Variants in TFPI observed in about 807,000 individuals in gnomAD.
TFPI encodes anti-convertin.
In TFPI, 15 loss-of-function variants were observed where a neutral mutation model predicts 34.6. The observed-to-expected ratio is 0.43, with a 90% CI of 0.29 to 0.67. The LOEUF is 0.67. TFPI is among the 30% of genes least tolerant of loss of function. The pLI is 0.15. For missense variants in TFPI, 301 were observed against 364.0 expected (o/e 0.83, Z 1.41); for synonymous variants, 105 against 120.1 (o/e 0.87, Z 0.82).
intron 1 of TFPI, among the ~76,000 whole-genome samples, chr2:187,543,947 C>A (rs1559159709): frequency 6.6e-6 from 1 of 152,136 alleles, no homozygotes; most frequent in Non-Finnish European, 1.5e-5. Flanking sequence ...TAAAATTTAT[C>A]TGCTGTGTAT....
intron 2 of TFPI, among the ~76,000 whole-genome samples, chr2:187,502,917 TA>T (rs1204044700): frequency 6.6e-6 from 1 of 152,214 alleles, no homozygotes; most frequent in Non-Finnish European, 1.5e-5. Context: ...AAATCTTTTT[TA>T]CATCTTAAAC....
chr2:187,505,505 T>C (rs3755248), intron 1 of TFPI, among the ~76,000 whole-genome samples: 62,082 of 151,978 alleles, frequency 0.41, 14,499 homozygotes, highest in African/African-American at 0.65. Flanking sequence ...CACCAGGTAT[T>C]TCTCATTGTG....
chr2:187,478,462 T>G (rs913853842), intron 6 of TFPI: 1 of 542,566 alleles, frequency 1.8e-6, no homozygotes, highest in Non-Finnish European at 2.8e-6. Flanking sequence ...AATGACTTTT[T>G]TTCCATGAAT....
intron 1 of TFPI, among the ~76,000 whole-genome samples, chr2:187,511,422 T>C (rs948142306): frequency 1.3e-5 from 2 of 152,226 alleles, no homozygotes; most frequent in Non-Finnish European, 2.9e-5. Flanking sequence ...TGAAAGTGTC[T>C]GTGTGCCCTT....
intron 1 of TFPI, among the ~76,000 whole-genome samples, chr2:187,534,414 T>A (rs1355757900): frequency 6.6e-6 from 1 of 152,168 alleles, no homozygotes; most frequent in Non-Finnish European, 1.5e-5. Flanking sequence ...GGGCCAATAT[T>A]CCACATTCTT....
chr2:187,481,009 TTAAC>T (rs1433046837), intron 6 of TFPI, among the ~76,000 whole-genome samples: 3 of 152,130 alleles, frequency 2.0e-5, no homozygotes, highest in Non-Finnish European at 4.4e-5. Context: ...ATGATAATGT[TTAAC>T]TAAACTTCTA....
At chr2:187,467,989 C>A (rs1328194592) in intron 6 of TFPI, 57 bp from the exon 7 acceptor site, 31 of 1,415,026 alleles carry the variant, frequency 2.2e-5, no homozygotes, top group Non-Finnish European at 2.9e-5. Context: ...TTCAGGTTTT[C>A]GTATTGTATA....
intron 1 of TFPI, among the ~76,000 whole-genome samples, chr2:187,531,707 T>C (rs1408811414): frequency 6.6e-6 from 1 of 152,208 alleles, no homozygotes; most frequent in Non-Finnish European, 1.5e-5. Flanking sequence ...TTGACCATTT[T>C]ATTTATGTTT....
chr2:187,527,401 T>C (rs1049664630), intron 1 of TFPI: 4 of 152,178 alleles, frequency 2.6e-5, no homozygotes, highest in African/African-American at 9.6e-5. Flanking sequence ...AGCCAGATTT[T>C]TCTCAGGAAA....
intron 1 of TFPI, among the ~76,000 whole-genome samples, chr2:187,542,335 TTG>T (rs138712657): frequency 5.1e-4 from 76 of 148,324 alleles, no homozygotes; most frequent in Non-Finnish European, 6.5e-4. Context: ...GAATGTGTGT[TTG>T]TGTGTGTGTG....
intron 1 of TFPI, among the ~76,000 whole-genome samples, chr2:187,546,146 AT>A (rs1213325732): frequency 6.6e-6 from 1 of 152,144 alleles, no homozygotes; most frequent in African/African-American, 2.4e-5. Flanking sequence ...AATAAAGGAA[AT>A]AATGCCAATG....
intron 1 of TFPI, among the ~76,000 whole-genome samples, chr2:187,534,406 G>A (rs1285367983): frequency 1.3e-5 from 2 of 152,166 alleles, no homozygotes; most frequent in African/African-American, 2.4e-5. Flanking sequence ...GAGAGTGGGG[G>A]CCAATATTCC....
chr2:187,515,033 T>C (rs1446905073), intron 1 of TFPI: 1 of 152,242 alleles, frequency 6.6e-6, no homozygotes, highest in East Asian at 1.9e-4. Context: ...ACACTATATG[T>C]GTCAGACAGA....
intron 1 of TFPI, among the ~76,000 whole-genome samples, chr2:187,531,531 C>T (rs1194600954): frequency 6.6e-6 from 1 of 152,020 alleles, no homozygotes; most frequent in Admixed American, 6.6e-5. Flanking sequence ...AATAAATTTT[C>T]ATATCAATTT....
At chr2:187,545,799 T>G (rs1044956589) in intron 1 of TFPI, among the ~76,000 whole-genome samples, 11 of 152,128 alleles carry the variant, frequency 7.2e-5, no homozygotes, top group African/African-American at 2.7e-4. Flanking sequence ...ATGTAATGTT[T>G]TGAGCCAAAG....
chr2:187,478,538 A>T, intron 6 of TFPI: 4 of 1,216,926 alleles, frequency 3.3e-6, no homozygotes, highest in Non-Finnish European at 3.3e-6. Context: ...TTTCTTTGCT[A>T]GTTAGACATT....
chr2:187,537,725 A>G (rs1391009349), intron 1 of TFPI, among the ~76,000 whole-genome samples: 2 of 152,254 alleles, frequency 1.3e-5, no homozygotes, highest in African/African-American at 4.8e-5. Context: ...AACAAAAGCC[A>G]AAATTGACAA....
intron 6 of TFPI, among the ~76,000 whole-genome samples, chr2:187,481,038 TATC>T (rs1371177091): frequency 2.0e-5 from 3 of 152,144 alleles, no homozygotes; most frequent in African/African-American, 2.4e-5. Context: ...GCTTCCATAA[TATC>T]ATGAAGAAAA....
At chr2:187,553,026 AC>A (rs1044027567) in intron 1 of TFPI, among the ~76,000 whole-genome samples, 4 of 152,102 alleles carry the variant, frequency 2.6e-5, no homozygotes, top group Non-Finnish European at 5.9e-5. Flanking sequence ...AATTTCAGGG[AC>A]TATCCCTCTT....
Sources: gnomAD v4.1 joint callset for allele counts (sites outside exome capture counted in the v4.1 genomes callset) on GRCh38, gnomAD v4.1.1 for gene constraint, MANE v1.5 for transcripts, NCBI Gene and HGNC (gene_info 2026-07-23, HGNC 2026-07-21) for gene names.